FNDC3B: variants seen among roughly 807,000 people sequenced by gnomAD.
FNDC3B encodes the protein fibronectin type III domain containing 3B, also known as fibronectin type III domain-containing protein 3B.
In FNDC3B, 12 loss-of-function variants were observed where a neutral mutation model predicts 151.5. The ratio of observed to expected loss-of-function variants is 0.08; its 90% CI spans 0.05 to 0.13. FNDC3B has a LOEUF of 0.13. FNDC3B is among the 10% of genes least tolerant of loss of function. The probability of loss-of-function intolerance (pLI) is 1.00; values close to 1 mark genes in which losing one functional copy is unlikely to be tolerated. For missense variants in FNDC3B, 1,214 were observed against 1,505.3 expected, an observed-to-expected ratio of 0.81 and a Z score of 3.20; for synonymous variants, 528 against 549.0, an observed-to-expected ratio of 0.96 and a Z score of 0.54.
intron 1 of FNDC3B, among the ~76,000 whole-genome samples, chr3:172,072,870 C>A (rs889544252): frequency 6.6e-6 from 1 of 152,174 alleles, no homozygotes; most frequent in Non-Finnish European, 1.5e-5. Flanking sequence ...GCCACATAAA[C>A]GGTGACACTG....
intron 4 of FNDC3B, among the ~76,000 whole-genome samples, chr3:172,231,690 A>G (rs1278955182): frequency 6.6e-6 from 1 of 152,100 alleles, no homozygotes; most frequent in African/African-American, 2.4e-5. Flanking sequence ...CCAGGATTGC[A>G]GCCCATGCAT....
intron 3 of FNDC3B, among the ~76,000 whole-genome samples, chr3:172,158,317 A>T (rs1722596017): frequency 6.6e-6 from 1 of 152,212 alleles, no homozygotes; most frequent in Admixed American, 6.5e-5. Context: ...AGCCATGTAC[A>T]AGTGATCCCG....
chr3:172,093,351 C>T (rs942621756), intron 1 of FNDC3B, among the ~76,000 whole-genome samples: 23 of 151,710 alleles, frequency 1.5e-4, no homozygotes, highest in East Asian at 5.8e-4. Flanking sequence ...CTCCGCCTCC[C>T]GGGTTCACGC....
chr3:172,342,660 C>G (rs542776664), intron 17 of FNDC3B, among the ~76,000 whole-genome samples: 1 of 152,090 alleles, frequency 6.6e-6, no homozygotes, highest in Non-Finnish European at 1.5e-5. Context: ...ATCCAGCTGT[C>G]GTTTTGTGTT....
intron 1 of FNDC3B, among the ~76,000 whole-genome samples, chr3:172,075,273 C>T (rs778444682): frequency 6.6e-5 from 10 of 152,058 alleles, no homozygotes; most frequent in Admixed American, 2.6e-4. Context: ...GAGCTAGTGC[C>T]GAGACCTACT....
chr3:172,228,787 C>T (rs925697019), intron 4 of FNDC3B, among the ~76,000 whole-genome samples: 3 of 152,144 alleles, frequency 2.0e-5, no homozygotes, highest in African/African-American at 4.8e-5. Flanking sequence ...TGACTAACTT[C>T]ATTTCAATTG....
intron 6 of FNDC3B, among the ~76,000 whole-genome samples, chr3:172,256,118 C>A (rs1255936691): frequency 6.6e-6 from 1 of 152,214 alleles, no homozygotes; most frequent in Non-Finnish European, 1.5e-5. Context: ...CATGATATGA[C>A]ACATACTCAC....
At chr3:172,196,664 C>G (rs1364419877) in intron 3 of FNDC3B, among the ~76,000 whole-genome samples, 3 of 151,976 alleles carry the variant, frequency 2.0e-5, no homozygotes, top group Non-Finnish European at 2.9e-5. Context: ...GTGAAAGGTT[C>G]CCTTCTGATT....
At chr3:172,169,421 A>G (rs1723182479) in intron 3 of FNDC3B, among the ~76,000 whole-genome samples, 1 of 152,232 alleles carries the variant, frequency 6.6e-6, no homozygotes, top group African/African-American at 2.4e-5. Context: ...ACAAGATACT[A>G]AGATAAATGC....
intron 4 of FNDC3B, among the ~76,000 whole-genome samples, chr3:172,228,712 A>G (rs1156304883): frequency 6.6e-6 from 1 of 152,184 alleles, no homozygotes; most frequent in Non-Finnish European, 1.5e-5. Flanking sequence ...CAATATTGGA[A>G]GAATAGTTAA....
At chr3:172,129,421 A>C (rs1315602216) in intron 2 of FNDC3B, among the ~76,000 whole-genome samples, 1 of 152,194 alleles carries the variant, frequency 6.6e-6, no homozygotes, top group Non-Finnish European at 1.5e-5. Flanking sequence ...CCAAGGTTTA[A>C]ATTGCAAAAG....
At chr3:172,382,228 AC>A (rs1217219981) in intron 25 of FNDC3B, among the ~76,000 whole-genome samples, 4 of 152,200 alleles carry the variant, frequency 2.6e-5, no homozygotes, top group African/African-American at 9.7e-5. Context: ...ACAAGTGATG[AC>A]GAGCTTTTTT....
intron 22 of FNDC3B, 83 bp downstream of exon 22, chr3:172,353,166 G>C: frequency 7.7e-7 from 1 of 1,305,440 alleles, no homozygotes; most frequent in Non-Finnish European, 1.1e-6. Context: ...ATGACCAAGT[G>C]GATGTCATCT....
At chr3:172,295,907 T>C (rs182296558) in intron 8 of FNDC3B, among the ~76,000 whole-genome samples, 1 of 152,366 alleles carries the variant, frequency 6.6e-6, no homozygotes, top group East Asian at 1.9e-4. Context: ...TTCTACAATA[T>C]GTTTCCTTCT....
chr3:172,114,881 T>TCTCAC (rs2108544115), intron 2 of FNDC3B, among the ~76,000 whole-genome samples: 1 of 152,308 alleles, frequency 6.6e-6, no homozygotes, highest in Admixed American at 6.5e-5. Context: ...ACTTAAAAAA[T>TCTCAC]CTCACAAGAA....
intron 1 of FNDC3B, among the ~76,000 whole-genome samples, chr3:172,061,696 C>G (rs114908952): frequency 3.9e-5 from 6 of 152,140 alleles, no homozygotes; most frequent in Non-Finnish European, 7.4e-5. Context: ...TCTATATTTT[C>G]CTGTCTCTTT....
chr3:172,084,551 C>T (rs531236602), intron 1 of FNDC3B, among the ~76,000 whole-genome samples: 38 of 151,798 alleles, frequency 2.5e-4, no homozygotes, highest in Non-Finnish European at 4.9e-4. Context: ...ATGCTTCTAC[C>T]ACTAAAATAG....
At chr3:172,346,121 A>G (rs1733601895) in intron 19 of FNDC3B, 1 of 322,280 alleles carries the variant, frequency 3.1e-6, no homozygotes. Context: ...AATGACAGAC[A>G]TCTACTACTC....
intron 19 of FNDC3B, among the ~76,000 whole-genome samples, chr3:172,344,675 G>T (rs1441348510): frequency 6.6e-6 from 1 of 152,198 alleles, no homozygotes; most frequent in Admixed American, 6.5e-5. Context: ...AACTAGAGAA[G>T]GGTAGTGGCC....
Sources: allele counts gnomAD v4.1 joint callset (sites outside exome capture counted in the v4.1 genomes callset), GRCh38; gene constraint gnomAD v4.1.1; transcripts MANE v1.5; gene names NCBI Gene and HGNC (gene_info 2026-07-23, HGNC 2026-07-21).